Variants in CASKIN1 observed in about 807,000 individuals in gnomAD.
The protein encoded by CASKIN1 is CASK interacting protein 1.
In CASKIN1, 42 loss-of-function variants were observed where a neutral mutation model predicts 117.5. The observed-to-expected ratio is 0.36, with a 90% CI of 0.28 to 0.46. The LOEUF is 0.46. CASKIN1 is among the 20% of genes least tolerant of loss of function. The pLI, the probability that CASKIN1 is intolerant of heterozygous loss-of-function variation, is 1.00. For synonymous variants in CASKIN1, 1,148 were observed against 961.7 expected (o/e 1.19, Z -3.59); for missense variants, 2,083 against 2,077.3 (o/e 1.00, Z -0.05).
rs781690534 is a variant in CASKIN1, at chr16:2,190,186, G to C, written c.147-16C>G. The C allele has an allele frequency of 6.2e-7, 1 of 1,612,414 alleles. No individual in the cohort carries two copies. Among genetic ancestry groups the C allele is most frequent in the Non-Finnish European group, 8.5e-7 (1 of 1,179,656 alleles). ...AGCCGAGAAGCTGGCACGTGCAGAGGACACATAGAGCAGAGGCCCTGGCGC... is the reference window on the plus strand; with the variant it reads ...AGCCGAGAAGCTGGCACGTGCAGAGCACACATAGAGCAGAGGCCCTGGCGC... On this transcript the variant is annotated splice_polypyrimidine_tract_variant and intron_variant, in intron 2 of 19. Transcript: ENST00000343516.
At chr16:2,192,880 A>C (rs1206471116) in intron 1 of CASKIN1, among the ~76,000 whole-genome samples, 2 of 152,220 alleles carry the variant, frequency 1.3e-5, no homozygotes, top group Non-Finnish European at 2.9e-5. Context: ...TGAGGTGCTC[A>C]GTTGCGGACT....
In CASKIN1 at chr16:2,178,134, C is replaced by T. The variant is rs1038990997; in HGVS notation, c.*416G>A. ...ATTAATACTCTTGATAGCTTATATTCTGGGGGTGCGGTGGGGCAGGGGGGC... is the reference window on the plus strand; with the variant it reads ...ATTAATACTCTTGATAGCTTATATTTTGGGGGTGCGGTGGGGCAGGGGGGC... On this transcript the variant is annotated 3_prime_UTR_variant, in exon 20 of 20. Transcript: ENST00000343516. 2.0e-6 allele frequency: 1 copy of T among 501,248 alleles called. No homozygotes were observed. The highest frequency in any genetic ancestry group is 1.6e-5 in the South Asian group (1 of 62,482). 31.1% of individuals were successfully genotyped at this position (501,248 alleles called of 1,614,324 possible). A position where few individuals can be genotyped will look rare whatever the true frequency, so the allele number is the denominator to read the frequency against.
At position 2,179,412 on chromosome 16, in the gene CASKIN1, C is replaced by T; in HGVS notation, c.3776-87G>A. 2 of 1,333,748 alleles carry T rather than the reference C, an allele frequency of 1.5e-6. No homozygotes were observed. Among genetic ancestry groups the T allele is most frequent in the Non-Finnish European group, 1.9e-6 (2 of 1,048,666 alleles). 82.6% of individuals were successfully genotyped at this position (1,333,748 alleles called of 1,614,324 possible). A position where few individuals can be genotyped will look rare whatever the true frequency, so the allele number is the denominator to read the frequency against. ...CAGCCTCCCGCGGCTTCCTCCCCAG[C>T]GGACCGGGAAAGACCCTGCTCACCT... On this transcript the variant is annotated intron_variant, in intron 18 of 19. Transcript: ENST00000343516. This position sits in a 1 kb window ranked among gnomAD's most constrained non-coding sequence, Gnocchi z 5.8.
At position 2,179,507 on chromosome 16, in the gene CASKIN1, C is replaced by A. The variant is rs2093158955; in HGVS notation, c.3775+86G>T. On this transcript the variant is annotated intron_variant, in intron 18 of 19. Transcript: ENST00000343516. The surrounding 1 kb of genome is among the most constrained non-coding windows in gnomAD (Gnocchi z 5.8). The stretch of plus-strand genomic sequence containing the variant: ...CACCCCACCTGGGCTTCCATCAAAC[C>A]CAAGAAAAGGAAAACCCCTCAGACC... 7 of 1,397,092 alleles carry A rather than the reference C, an allele frequency of 5.0e-6. No individual in the cohort carries two copies. Among genetic ancestry groups the A allele is most frequent in the Non-Finnish European group, 6.5e-6 (7 of 1,077,070 alleles). 86.5% of individuals were successfully genotyped at this position (1,397,092 alleles called of 1,614,324 possible). A position where few individuals can be genotyped will look rare whatever the true frequency, so the allele number is the denominator to read the frequency against.
chr16:2,179,811 G>C lies in CASKIN1; in HGVS notation c.3557C>G (p.Ala1186Gly). 6.3e-7 allele frequency: 1 copy of C among 1,584,400 alleles called. No homozygotes were observed. Among genetic ancestry groups the C allele is most frequent in the Non-Finnish European group, 8.6e-7 (1 of 1,168,154 alleles). Residue 1186 changes from alanine (A) to glycine (G), a missense_variant, in exon 18 of 20, where the codon GCT (alanine) becomes GGT (glycine). Ala to Gly is a moderately conservative substitution (Grantham distance 60). Transcript: ENST00000343516. The surrounding 1 kb of genome is among the most constrained non-coding windows in gnomAD (Gnocchi z 5.8). Reference sequence around the variant, plus strand: ...CGGTGGAGGCAGCTCCGGAGGCCCAGCCTGCTCCGAGGCCGGTCGGCGGCG... The same window carrying C: ...CGGTGGAGGCAGCTCCGGAGGCCCACCCTGCTCCGAGGCCGGTCGGCGGCG... ...TVRRRPASEQ[A>G]GPPELPPPPP... is the part of the protein sequence containing the mutation.
In CASKIN1 at chr16:2,180,887, C is replaced by T. The variant is rs751476491; in HGVS notation, c.2481G>A (p.Pro827=). The change falls in exon 18 of 20, where the codon CCG becomes CCA. Residue 827 remains proline, a synonymous_variant. Transcript: ENST00000343516. ...GCACGTAGGCAAAGCCGCGGTGCGTCGGTGACTGAGGCAGGGAGCGGGGTG... is the reference window on the plus strand; with the variant it reads ...GCACGTAGGCAAAGCCGCGGTGCGTTGGTGACTGAGGCAGGGAGCGGGGTG... ...PMSPRSLPQS[P]THRGFAYVLP... 3.0e-5 allele frequency: 43 copies of T among 1,437,838 alleles called. No homozygotes were observed. In the African/African-American group the frequency reaches 5.8e-4, roughly 19 times the overall value. The allele number at this position is 1,437,838 out of a possible 1,614,324, so 89.1% of individuals were successfully genotyped here. A position where few individuals can be genotyped will look rare whatever the true frequency, so the allele number is the denominator to read the frequency against.
intron 19 of CASKIN1, 49 bp downstream of exon 19, chr16:2,178,851 CAT>C (rs2093155436): frequency 7.3e-7 from 1 of 1,371,836 alleles, no homozygotes; most frequent in African/African-American, 1.6e-5. Context: ...GAGCCCCGCC[CAT>C]CTCTGCCGAG....
Position 2,181,038 on chromosome 16 carries a change from G to C in CASKIN1, c.2330C>G (p.Pro777Arg), listed in dbSNP as rs1185415089. The C allele has an allele frequency of 2.0e-6, 3 of 1,487,314 alleles. No individual in the cohort carries two copies. Among genetic ancestry groups the C allele is most frequent in the Non-Finnish European group, 2.7e-6 (3 of 1,123,388 alleles). The allele number at this position is 1,487,314 out of a possible 1,614,324, so 92.1% of individuals were successfully genotyped here. ...LPPGTSHFTPPQTPTKTRPGS... is the reference protein window; with the variant it reads ...LPPGTSHFTPRQTPTKTRPGS... Reference sequence around the variant, plus strand: ...TGGTCGGGTTTTGGTGGGCGTCTGGGGGGGCGTGAAGTGGCTAGTGCCTGG... The same window carrying C: ...TGGTCGGGTTTTGGTGGGCGTCTGGCGGGGCGTGAAGTGGCTAGTGCCTGG... The change falls in exon 18 of 20, where the codon CCC becomes CGC. Residue 777 changes from proline to arginine, a missense_variant. By Grantham distance (103) the Pro-to-Arg change is moderately radical. Coordinates refer to ENST00000343516, the MANE Select transcript of CASKIN1 (RefSeq NM_020764.4).
rs565322912 is a variant in CASKIN1 at position 2,179,386 on chromosome 16, C to G, written c.3776-61G>C. 4 of 1,337,214 alleles carry G rather than the reference C, an allele frequency of 3.0e-6. No individual in the cohort carries two copies. The African/African-American group carries it at 4.6e-5, about 15-fold the overall frequency. The allele number at this position is 1,337,214 out of a possible 1,614,324, so 82.8% of individuals were successfully genotyped here. A position where few individuals can be genotyped will look rare whatever the true frequency, so the allele number is the denominator to read the frequency against. ...GAGTTCCGCCGCCGCGCCCCCTGCC[C>G]CAGCCTCCCGCGGCTTCCTCCCCAG... On this transcript the variant is annotated intron_variant, in intron 18 of 19. Transcript: ENST00000343516. The surrounding 1 kb of genome is among the most constrained non-coding windows in gnomAD (Gnocchi z 5.8).
rs752055545 is a variant in CASKIN1 at position 2,180,630 on chromosome 16, C to G, written c.2738G>C (p.Arg913Pro). Residue 913 changes from arginine (R) to proline (P), a missense_variant, in exon 18 of 20, where the codon CGC becomes CCC. Arg to Pro is a moderately radical substitution (Grantham distance 103). Transcript: ENST00000343516. ...AAGPYATVQR[R>P]VGRSHSVRAP... ...CCTCACTGAGTGGCTGCGGCCCACGCGCCGCTGGACCGTGGCATAGGGGCC... is the reference window on the plus strand; with the variant it reads ...CCTCACTGAGTGGCTGCGGCCCACGGGCCGCTGGACCGTGGCATAGGGGCC... The G allele has an allele frequency of 6.4e-7, 1 of 1,551,430 alleles. No individual in the cohort carries two copies. The highest frequency in any genetic ancestry group is 8.6e-7 in the Non-Finnish European group (1 of 1,156,078).
chr16:2,180,510 G>A lies in CASKIN1; in HGVS notation c.2858C>T (p.Ser953Phe), dbSNP rs2093163872. The change falls in exon 18 of 20, where the codon TCC (serine) becomes TTC (phenylalanine). Residue 953 changes from serine to phenylalanine, a missense_variant. Ser to Phe is a radical substitution (Grantham distance 155). Coordinates refer to ENST00000343516, the MANE Select transcript of CASKIN1 (RefSeq NM_020764.4). ...KGPPPPPPKR[S>F]SSALASANLA... is the part of the protein sequence containing the mutation. ...GTTGGCACTAGCCAGGGCCGAGCTG[G>A]AGCGCTTGGGTGGGGGCGGCGGGGG... The A allele has an allele frequency of 2.6e-6, 4 of 1,551,118 alleles. No individual in the cohort carries two copies. The highest frequency in any genetic ancestry group is 3.5e-6 in the Non-Finnish European group (4 of 1,154,478).
At chr16:2,184,751 G>A (rs985695400) in intron 14 of CASKIN1, 26 bp downstream of exon 14, 7 of 1,471,848 alleles carry the variant, frequency 4.8e-6, no homozygotes, top group African/African-American at 4.3e-5. Context: ...CGGAGCCCAC[G>A]CTGAGAACAC....
In CASKIN1 at chr16:2,182,606, A is replaced by G. The variant is rs529490912; in HGVS notation, c.1630-677T>C. On this transcript the variant is annotated intron_variant, in intron 16 of 19. Coordinates refer to ENST00000343516, the MANE Select transcript of CASKIN1 (RefSeq NM_020764.4). The surrounding 1 kb of genome is among the most constrained non-coding windows in gnomAD (Gnocchi z 4.1). ...CCCTAGGAGGATCCCCGAGCCACCA[A>G]TTGAGTGAGGCAAGGCAGGGTGAGT... Among the ~76,000 whole-genome samples, 1 of 152,320 alleles carries G rather than the reference A, an allele frequency of 6.6e-6. No individual in the cohort carries two copies. The highest frequency in any genetic ancestry group is 2.4e-5 in the African/African-American group (1 of 41,570).
Position 2,178,437 on chromosome 16 carries a change from T to G in CASKIN1, c.*113A>C, listed in dbSNP as rs1038013692. On this transcript the variant is annotated 3_prime_UTR_variant, in exon 20 of 20. Coordinates refer to ENST00000343516, the MANE Select transcript of CASKIN1 (RefSeq NM_020764.4). ...CGGGTCCAGGGGCCGGAGTTGTGCT[T>G]CTGCAGGGCCCTGCCCGGCCGCTCG... 3 of 774,016 alleles carry G rather than the reference T, an allele frequency of 3.9e-6. No homozygotes were observed. The highest frequency in any genetic ancestry group is 3.5e-5 in the East Asian group (1 of 28,226). The allele number at this position is 774,016 out of a possible 1,614,324, so 47.9% of individuals were successfully genotyped here.
In CASKIN1 at chr16:2,180,810, G is replaced by A. The variant is rs577114353; in HGVS notation, c.2558C>T (p.Pro853Leu). 7.2e-7 allele frequency: 1 copy of A among 1,397,358 alleles called. No individual in the cohort carries two copies. The highest frequency in any genetic ancestry group is 2.8e-5 in the East Asian group (1 of 35,276). 86.6% of individuals were successfully genotyped at this position (1,397,358 alleles called of 1,614,324 possible). The change falls in exon 18 of 20, where the codon CCC (proline) becomes CTC (leucine). Residue 853 changes from proline to leucine, a missense_variant. Pro to Leu is a moderately conservative substitution (Grantham distance 98, BLOSUM62 -3). Coordinates refer to ENST00000343516, the MANE Select transcript of CASKIN1 (RefSeq NM_020764.4). ...EVGPAAPGPA[P>L]PPVPTAVPTL... ...GGGCACAGCCGTCGGCACGGGTGGG[G>A]GCGCAGGCCCCGGGGCAGCCGGCCC... is the stretch of plus-strand genomic sequence containing the variant.
At position 2,178,648 on chromosome 16, in the gene CASKIN1, TGCGGGGC is replaced by T. The variant is rs766875630; in HGVS notation, c.4200-9_4200-3del. ...GTGCTCTTTTCCGCCGCCGAGTCGC[TGCGGGGC>T]GCGGGGCAAGGGGCGTGAGTGGGCG... is the stretch of plus-strand genomic sequence containing the variant. On this transcript the variant is annotated splice_region_variant and splice_polypyrimidine_tract_variant and intron_variant, in intron 19 of 19. Transcript: ENST00000343516. 17 of 1,585,148 alleles carry T rather than the reference TGCGGGGC, an allele frequency of 1.1e-5. No homozygotes were observed. The highest frequency in any genetic ancestry group is 9.0e-5 in the South Asian group (8 of 89,320).
Position 2,190,490 on chromosome 16 carries a change from C to T in CASKIN1, c.95-132G>A, listed in dbSNP as rs2093198651. The T allele has an allele frequency of 3.8e-6, 3 of 780,592 alleles. No homozygotes were observed. In the South Asian group the frequency reaches 4.9e-5, roughly 13 times the overall value. 48.4% of individuals were successfully genotyped at this position (780,592 alleles called of 1,614,324 possible). ...TGGGCTCTCAGTCTGCAGACACTCA[C>T]TCGTCCACTCGTGCACTCACGCGTT... On this transcript the variant is annotated intron_variant, in intron 1 of 19. Coordinates refer to ENST00000343516, the MANE Select transcript of CASKIN1 (RefSeq NM_020764.4).
chr16:2,184,177 G>A (rs145429690), intron 14 of CASKIN1, among the ~76,000 whole-genome samples: 12 of 151,822 alleles, frequency 7.9e-5, no homozygotes, highest in African/African-American at 2.9e-4. Flanking sequence ...CTCCACCGGT[G>A]GGGGGAGGGG....
At chr16:2,184,023 G>A (rs1024360053) in intron 14 of CASKIN1, 82 bp from the exon 15 acceptor site, 73 of 937,262 alleles carry the variant, frequency 7.8e-5, no homozygotes, top group Non-Finnish European at 1.0e-4. Context: ...CTGCTTGGCC[G>A]GCCAGCCGTG....
Sources: gnomAD v4.1 joint callset for allele counts (sites outside exome capture counted in the v4.1 genomes callset) on GRCh38, gnomAD v4.1.1 for gene constraint, Gnocchi (gnomAD v3.1) non-coding constraint, MANE v1.5 for transcripts, NCBI Gene and HGNC (gene_info 2026-07-23, HGNC 2026-07-21) for gene names.